Variants in ANKS1B observed in about 807,000 individuals in gnomAD.
The protein encoded by ANKS1B is ankyrin repeat and sterile alpha motif domain-containing protein 1B.
A neutral mutation model predicts 148.3 loss-of-function variants in ANKS1B; 36 were observed. That is an observed-to-expected ratio of 0.24 (90% confidence interval 0.19 to 0.32). ANKS1B has a LOEUF of 0.32. Ranked by LOEUF, ANKS1B falls within the 10% of genes least tolerant of loss-of-function variation. ANKS1B has a pLI of 1.00. For synonymous variants in ANKS1B, 542 were observed against 560.8 expected (o/e 0.97, Z 0.47); for missense variants, 1,157 against 1,542.6 (o/e 0.75, Z 4.19).
At chr12:98,837,844 A>C (rs775115097) in intron 17 of ANKS1B, among the ~76,000 whole-genome samples, 1 of 152,208 alleles carries the variant, frequency 6.6e-6, no homozygotes. Context: ...GATGTAAATG[A>C]AGCATTTTTA....
chr12:99,052,059 A>G (rs2153528289), intron 17 of ANKS1B, among the ~76,000 whole-genome samples: 1 of 152,306 alleles, frequency 6.6e-6, no homozygotes, highest in African/African-American at 2.4e-5. Context: ...TTCTTTAAAA[A>G]CCTAAGTGAT....
At chr12:99,176,455 A>G (rs2078391539) in intron 14 of ANKS1B, among the ~76,000 whole-genome samples, 1 of 152,130 alleles carries the variant, frequency 6.6e-6, no homozygotes. Flanking sequence ...TACGATCATG[A>G]TCACCTTGAT....
chr12:99,267,507 G>A (rs1304861538), intron 12 of ANKS1B, among the ~76,000 whole-genome samples: 1 of 152,054 alleles, frequency 6.6e-6, no homozygotes, highest in Non-Finnish European at 1.5e-5. Context: ...AATCTGTGAG[G>A]CAGGTACTAT....
At chr12:99,127,416 A>C (rs1328599637) in intron 15 of ANKS1B, among the ~76,000 whole-genome samples, 1 of 152,142 alleles carries the variant, frequency 6.6e-6, no homozygotes, top group African/African-American at 2.4e-5. Flanking sequence ...GACTGTCATC[A>C]TTTATCAGCA....
chr12:98,997,910 T>C (rs2153349060), intron 17 of ANKS1B, among the ~76,000 whole-genome samples: 1 of 152,346 alleles, frequency 6.6e-6, no homozygotes, highest in South Asian at 2.1e-4. Context: ...AGCTTGCATT[T>C]ATTTCATTTT....
At chr12:99,754,646 G>A (rs1273875894) in intron 8 of ANKS1B, among the ~76,000 whole-genome samples, 1 of 152,072 alleles carries the variant, frequency 6.6e-6, no homozygotes, top group African/African-American at 2.4e-5. Flanking sequence ...ATAACAAACA[G>A]TCTCTCAGAC....
At chr12:99,832,008 G>A (rs1468215096) in intron 1 of ANKS1B, among the ~76,000 whole-genome samples, 1 of 152,078 alleles carries the variant, frequency 6.6e-6, no homozygotes, top group Non-Finnish European at 1.5e-5. Context: ...TAAAACAGTG[G>A]CTGCCTACTT....
At chr12:99,829,025 T>C (rs1223048056) in intron 1 of ANKS1B, among the ~76,000 whole-genome samples, 5 of 151,708 alleles carry the variant, frequency 3.3e-5, no homozygotes, top group Non-Finnish European at 7.4e-5. Flanking sequence ...GTATCTCAGA[T>C]ACTTAGAAAA....
chr12:99,849,019 T>C lies in ANKS1B; in HGVS notation c.135-23630A>G, dbSNP rs114858804. ...GTATACATGCACATAAAGATGGGAATAATAGATACTGGGAAATAAAGAGGG... is the reference window on the plus strand; with the variant it reads ...GTATACATGCACATAAAGATGGGAACAATAGATACTGGGAAATAAAGAGGG... On this transcript the variant is annotated intron_variant, in intron 1 of 26. Coordinates refer to ENST00000683438, the MANE Select transcript of ANKS1B (RefSeq NM_001352186.2). 7.9e-3 allele frequency among the ~76,000 whole-genome samples: 1,208 copies of C among 152,122 alleles called. 13 individuals carry two copies. Among genetic ancestry groups the C allele is most frequent in the African/African-American group, 0.028 (1,143 of 41,516 alleles).
At chr12:99,121,315 G>A (rs2062760281) in intron 15 of ANKS1B, among the ~76,000 whole-genome samples, 1 of 127,802 alleles carries the variant, frequency 7.8e-6, no homozygotes, top group African/African-American at 3.0e-5. Context: ...GTGTGTGTAT[G>A]TAGGTATGTG....
intron 10 of ANKS1B, among the ~76,000 whole-genome samples, chr12:99,461,431 A>C (rs1257101408): frequency 6.6e-6 from 1 of 151,840 alleles, no homozygotes; most frequent in Admixed American, 6.6e-5. Flanking sequence ...ATTAAAATTA[A>C]AAAAAAAGAA....
At position 99,774,343 on chromosome 12, in the gene ANKS1B, C is replaced by CA. The variant is rs145737944; in HGVS notation, c.961+1204dup. ...CTAAGGACTCGAATAGACATTTCTT[C>CA]AAAAAAGGCACATAAATGACCCAAG... On this transcript the variant is annotated intron_variant, in intron 7 of 26. Coordinates refer to ENST00000683438, the MANE Select transcript of ANKS1B (RefSeq NM_001352186.2). Among the ~76,000 whole-genome samples, 749 of 152,058 alleles carry CA rather than the reference C, an allele frequency of 4.9e-3. 10 individuals carry two copies. Among genetic ancestry groups the CA allele is most frequent in the African/African-American group, 0.017 (716 of 41,510 alleles).
chr12:99,160,889 A>T (rs2076592585), intron 14 of ANKS1B, among the ~76,000 whole-genome samples: 1 of 152,078 alleles, frequency 6.6e-6, no homozygotes, highest in African/African-American at 2.4e-5. Context: ...TCTCTTCCAT[A>T]GGTCTATGCA....
intron 4 of ANKS1B, among the ~76,000 whole-genome samples, chr12:99,798,203 A>G (rs1005173120): frequency 6.6e-6 from 1 of 151,972 alleles, no homozygotes; most frequent in African/African-American, 2.4e-5. Flanking sequence ...TAAAGATAAC[A>G]ATTATGATAA....
At chr12:99,177,526 T>TAACAG (rs1390972946) in intron 14 of ANKS1B, among the ~76,000 whole-genome samples, 1 of 152,214 alleles carries the variant, frequency 6.6e-6, no homozygotes, top group African/African-American at 2.4e-5. Flanking sequence ...GTTAGCATAA[T>TAACAG]AACAGAATGG....
At chr12:99,931,810 T>C (rs903400445) in intron 1 of ANKS1B, among the ~76,000 whole-genome samples, 2 of 152,162 alleles carry the variant, frequency 1.3e-5, no homozygotes, top group Non-Finnish European at 2.9e-5. Context: ...TATTTTAAAA[T>C]ATATAATAAA....
At chr12:99,261,828 A>G (rs1180164136) in intron 12 of ANKS1B, among the ~76,000 whole-genome samples, 1 of 152,052 alleles carries the variant, frequency 6.6e-6, no homozygotes. Flanking sequence ...AAAACTCTTC[A>G]ATGGCACCTT....
chr12:98,774,833 G>T (rs569626533), intron 24 of ANKS1B, among the ~76,000 whole-genome samples: 2 of 152,124 alleles, frequency 1.3e-5, no homozygotes, highest in African/African-American at 4.8e-5. Context: ...ATTTTTCACC[G>T]TGGCCTTTTG....
intron 9 of ANKS1B, among the ~76,000 whole-genome samples, chr12:99,535,272 G>C (rs529551818): frequency 6.6e-6 from 1 of 152,242 alleles, no homozygotes; most frequent in East Asian, 1.9e-4. Flanking sequence ...TGTGTGTTTT[G>C]AAACTCCTCT....
Sources: allele counts gnomAD v4.1 joint callset (sites outside exome capture counted in the v4.1 genomes callset), GRCh38; gene constraint gnomAD v4.1.1; transcripts MANE v1.5; gene names NCBI Gene and HGNC (gene_info 2026-07-23, HGNC 2026-07-21).